ACTR3C: variants seen among roughly 807,000 people sequenced by gnomAD.
The protein encoded by ACTR3C is actin-related protein 3C.
In ACTR3C, 18 loss-of-function variants were observed where a neutral mutation model predicts 26.3. That is an observed-to-expected ratio of 0.68 (90% CI 0.47 to 1.01). ACTR3C has a LOEUF of 1.01. ACTR3C is among the 50% of genes least tolerant of loss of function. The pLI is 0.00. For missense variants in ACTR3C, 184 were observed against 250.7 expected, an observed-to-expected ratio of 0.73 and a Z score of 1.80; for synonymous variants, 55 against 94.5, an observed-to-expected ratio of 0.58 and a Z score of 2.42.
the ACTR3C span, among the ~76,000 whole-genome samples, chr7:150,203,045 G>A: frequency 2.0e-5 from 3 of 152,156 alleles, no homozygotes; most frequent in Admixed American, 6.5e-5. Flanking sequence ...TATTTAGTAC[G>A]TTACATATGA....
chr7:150,267,051 G>GT (rs1481212278), intron 6 of ACTR3C, among the ~76,000 whole-genome samples: 1 of 152,232 alleles, frequency 6.6e-6, no homozygotes, highest in Non-Finnish European at 1.5e-5. Flanking sequence ...TCATAGCAGG[G>GT]TTTTTTGTAA....
At chr7:150,203,210 G>A in the ACTR3C span, among the ~76,000 whole-genome samples, 2 of 152,186 alleles carry the variant, frequency 1.3e-5, no homozygotes, top group Non-Finnish European at 2.9e-5. Flanking sequence ...CACCAAGATG[G>A]TGTGTGTGGA....
the ACTR3C span, among the ~76,000 whole-genome samples, chr7:150,028,360 G>A: frequency 2.0e-5 from 3 of 148,890 alleles, no homozygotes; most frequent in Non-Finnish European, 2.9e-5. Flanking sequence ...GTGCATGCCT[G>A]TGTCTGTGTC....
intron 1 of ACTR3C, among the ~76,000 whole-genome samples, chr7:150,296,472 C>G (rs1836747419): frequency 6.6e-6 from 1 of 152,048 alleles, no homozygotes; most frequent in Admixed American, 6.6e-5. Flanking sequence ...CATCATCAAA[C>G]AGGAGGAAAT....
chr7:149,973,735 G>GTA, the ACTR3C span, among the ~76,000 whole-genome samples: 5 of 125,178 alleles, frequency 4.0e-5, no homozygotes, highest in Non-Finnish European at 9.8e-5. Context: ...ATTTTCCCCT[G>GTA]TTATAAATAA....
chr7:149,982,194 C>T, the ACTR3C span, among the ~76,000 whole-genome samples: 111 of 152,292 alleles, frequency 7.3e-4, no homozygotes, highest in Middle Eastern at 6.8e-3. Context: ...TCCCAACGCT[C>T]TATACCTGCT....
chr7:150,068,485 T>A, the ACTR3C span, among the ~76,000 whole-genome samples: 1 of 152,098 alleles, frequency 6.6e-6, no homozygotes, highest in African/African-American at 2.4e-5. Context: ...TTAATTCTGA[T>A]GCTTATAAGA....
the ACTR3C span, among the ~76,000 whole-genome samples, chr7:150,188,488 T>G: frequency 1.3e-5 from 2 of 151,724 alleles, no homozygotes; most frequent in African/African-American, 4.9e-5. Context: ...ATAGAATTAC[T>G]GGGTCTATGG....
chr7:150,190,436 T>C, the ACTR3C span, among the ~76,000 whole-genome samples: 2 of 152,254 alleles, frequency 1.3e-5, no homozygotes, highest in African/African-American at 4.8e-5. Flanking sequence ...CTTTTGATGT[T>C]GTATCTAAGT....
chr7:149,889,953 T>C, the ACTR3C span, among the ~76,000 whole-genome samples: 1 of 152,138 alleles, frequency 6.6e-6, no homozygotes, highest in Non-Finnish European at 1.5e-5. Context: ...GTGGCCATAC[T>C]TGGCAATTTC....
chr7:149,945,945 G>A, the ACTR3C span, among the ~76,000 whole-genome samples: 3 of 152,180 alleles, frequency 2.0e-5, no homozygotes, highest in Non-Finnish European at 2.9e-5. Flanking sequence ...CAGGTGTGGA[G>A]GAGGGAGACA....
chr7:149,893,209 T>C, the ACTR3C span, among the ~76,000 whole-genome samples: 5 of 152,124 alleles, frequency 3.3e-5, no homozygotes, highest in Non-Finnish European at 7.4e-5. Context: ...ATCAACACCA[T>C]CTCCTCACTT....
the ACTR3C span, among the ~76,000 whole-genome samples, chr7:150,192,295 T>G: frequency 1.3e-5 from 2 of 151,802 alleles, no homozygotes; most frequent in Non-Finnish European, 2.9e-5. Flanking sequence ...TAACATTTTA[T>G]TACTTTTTTT....
At chr7:150,036,017 T>TA in the ACTR3C span, among the ~76,000 whole-genome samples, 3 of 99,064 alleles carry the variant, frequency 3.0e-5, 1 homozygote, top group African/African-American at 4.8e-5. Context: ...CCCCCAGCGA[T>TA]GGGGTCCTAA....
At chr7:150,224,656 A>G in the ACTR3C span, among the ~76,000 whole-genome samples, 2 of 152,126 alleles carry the variant, frequency 1.3e-5, no homozygotes, top group African/African-American at 2.4e-5. Context: ...GTATTTGTCA[A>G]GTTTCTCCAC....
At chr7:150,314,629 A>C (rs1224050858) in intron 1 of ACTR3C, among the ~76,000 whole-genome samples, 2 of 152,072 alleles carry the variant, frequency 1.3e-5, no homozygotes, top group African/African-American at 4.8e-5. Flanking sequence ...CTAGATGTTT[A>C]AAATATTTTA....
chr7:150,215,422 G>A, the ACTR3C span, among the ~76,000 whole-genome samples: 2 of 152,026 alleles, frequency 1.3e-5, no homozygotes, highest in East Asian at 3.9e-4. Flanking sequence ...GAGCGCAAAT[G>A]GGTAAACAGG....
chr7:149,991,418 A>G, the ACTR3C span, among the ~76,000 whole-genome samples: 4 of 152,210 alleles, frequency 2.6e-5, no homozygotes, highest in Non-Finnish European at 1.5e-5. Context: ...CTGGTGGGTG[A>G]TGAGGAAAGG....
At chr7:150,030,569 AG>A in the ACTR3C span, among the ~76,000 whole-genome samples, 4 of 149,488 alleles carry the variant, frequency 2.7e-5, no homozygotes, top group South Asian at 4.1e-4. Flanking sequence ...ATCGAGTAAA[AG>A]TTTGTTATAG....
Sources: allele counts gnomAD v4.1 joint callset (sites outside exome capture counted in the v4.1 genomes callset), GRCh38; gene constraint gnomAD v4.1.1; transcripts MANE v1.5; gene names NCBI Gene and HGNC (gene_info 2026-07-23, HGNC 2026-07-21).